The following ZBTB20 variants were observed in gnomAD, a reference collection of about 807,000 sequenced individuals.
The protein encoded by ZBTB20 is zinc finger and BTB domain containing 20.
In ZBTB20, 9 loss-of-function variants were observed where a neutral mutation model predicts 56.9. The ratio of observed to expected loss-of-function variants is 0.16; its 90% confidence interval spans 0.10 to 0.28. The LOEUF (loss-of-function observed/expected upper bound fraction) is 0.28. ZBTB20 is among the 10% of genes least tolerant of loss of function. The probability of loss-of-function intolerance (pLI) is 1.00; values close to 1 mark genes in which losing one functional copy is unlikely to be tolerated. For synonymous variants in ZBTB20, 417 were observed against 420.7 expected, an observed-to-expected ratio of 0.99 and a Z score of 0.11; for missense variants, 655 against 1,003.0, an observed-to-expected ratio of 0.65 and a Z score of 4.69.
intron 6 of ZBTB20, among the ~76,000 whole-genome samples, chr3:114,522,221 G>C (rs1012712553): frequency 3.3e-5 from 5 of 152,152 alleles, no homozygotes; most frequent in Non-Finnish European, 7.4e-5. Context: ...ATTGAGCAAA[G>C]ACCTGAAGAT....
At position 114,716,368 on chromosome 3, in the gene ZBTB20, G is replaced by A. The variant is rs554982029; in HGVS notation, c.-342-22793C>T. ...TAAGACAGGCCTCCAGAGGACCAGC[G>A]ATATTATTAATCTTTTAAGACACTA... is the stretch of plus-strand genomic sequence containing the variant. On this transcript the variant is annotated intron_variant, in intron 5 of 11. Coordinates refer to ENST00000675478, the MANE Select transcript of ZBTB20 (RefSeq NM_001348800.3). 1.3e-4 allele frequency among the ~76,000 whole-genome samples: 20 copies of A among 152,204 alleles called. No homozygotes were observed. In the South Asian group the frequency reaches 3.5e-3, roughly 27 times the overall value.
chr3:114,597,213 A>T (rs1311709647), intron 6 of ZBTB20, among the ~76,000 whole-genome samples: 1 of 151,700 alleles, frequency 6.6e-6, no homozygotes, highest in Non-Finnish European at 1.5e-5. Flanking sequence ...GAAAGTAGTG[A>T]CCCCTAGTGG....
At chr3:115,109,146 TACTAA>T (rs2083804642) in intron 1 of ZBTB20, among the ~76,000 whole-genome samples, 2 of 152,200 alleles carry the variant, frequency 1.3e-5, no homozygotes, top group Non-Finnish European at 2.9e-5. Flanking sequence ...CAATCCTCTC[TACTAA>T]ACAATCTACA....
intron 8 of ZBTB20, among the ~76,000 whole-genome samples, chr3:114,381,710 G>C (rs895475390): frequency 6.6e-6 from 1 of 152,178 alleles, no homozygotes; most frequent in Non-Finnish European, 1.5e-5. Flanking sequence ...TTGTTGTGCT[G>C]GGTAGTTAAA....
At chr3:114,807,541 T>C (rs2072207507) in intron 4 of ZBTB20, among the ~76,000 whole-genome samples, 2 of 151,908 alleles carry the variant, frequency 1.3e-5, no homozygotes, top group Admixed American at 1.3e-4. Flanking sequence ...CTGTACAATG[T>C]TGAACAGAAG....
At chr3:114,839,465 A>AAGAAAGAAAGAAAGAAAG (rs767019231) in intron 4 of ZBTB20, among the ~76,000 whole-genome samples, 104 of 148,316 alleles carry the variant, frequency 7.0e-4, no homozygotes, top group South Asian at 1.3e-3. Flanking sequence ...GAAAGAAAGA[A>AAGAAAGAAAGAAAGAAAG]AGAGAGAGAG....
intron 1 of ZBTB20, among the ~76,000 whole-genome samples, chr3:115,111,469 T>A (rs1294559892): frequency 6.6e-6 from 1 of 152,204 alleles, no homozygotes; most frequent in Non-Finnish European, 1.5e-5. Context: ...AATATCTTAA[T>A]AAAATTCATG....
At chr3:114,556,804 A>T (rs988474668) in intron 6 of ZBTB20, among the ~76,000 whole-genome samples, 1 of 152,100 alleles carries the variant, frequency 6.6e-6, no homozygotes, top group African/African-American at 2.4e-5. Flanking sequence ...ATACATCTTA[A>T]CAATTAATAA....
chr3:114,544,365 C>T (rs1002430591), intron 6 of ZBTB20, among the ~76,000 whole-genome samples: 1 of 152,120 alleles, frequency 6.6e-6, no homozygotes, highest in African/African-American at 2.4e-5. Context: ...CATAACCTAA[C>T]ACCAATAAAA....
intron 5 of ZBTB20, among the ~76,000 whole-genome samples, chr3:114,772,647 A>G (rs1381587328): frequency 2.0e-5 from 3 of 152,198 alleles, no homozygotes; most frequent in Non-Finnish European, 4.4e-5. Context: ...TTAGAAGGTG[A>G]GAATTCATAC....
intron 7 of ZBTB20, among the ~76,000 whole-genome samples, chr3:114,476,095 T>G (rs974333730): frequency 2.6e-5 from 4 of 152,200 alleles, no homozygotes; most frequent in Non-Finnish European, 5.9e-5. Flanking sequence ...ACCATATGTA[T>G]TACTATGTAT....
At chr3:114,489,467 G>T (rs1386942146) in intron 7 of ZBTB20, among the ~76,000 whole-genome samples, 1 of 152,078 alleles carries the variant, frequency 6.6e-6, no homozygotes, top group African/African-American at 2.4e-5. Flanking sequence ...ATATTATTCA[G>T]ATGTTATAGT....
chr3:114,712,654 G>GAAA (rs139980086), intron 5 of ZBTB20, among the ~76,000 whole-genome samples: 1 of 79,982 alleles, frequency 1.3e-5, no homozygotes, highest in African/African-American at 4.7e-5. Context: ...ACTCCATCTC[G>GAAA]AAAAAAAAAA....
chr3:114,813,424 CA>C (rs2072697820), intron 4 of ZBTB20, among the ~76,000 whole-genome samples: 1 of 152,146 alleles, frequency 6.6e-6, no homozygotes, highest in South Asian at 2.1e-4. Context: ...AACCCTGTCC[CA>C]ACTTCATTAC....
chr3:114,406,510 C>A (rs778145171), intron 7 of ZBTB20, among the ~76,000 whole-genome samples: 1 of 152,056 alleles, frequency 6.6e-6, no homozygotes, highest in Non-Finnish European at 1.5e-5. Flanking sequence ...TGTTTTTGGT[C>A]ACTTATAATG....
At chr3:114,636,153 A>G (rs1376550938) in intron 6 of ZBTB20, among the ~76,000 whole-genome samples, 1 of 152,170 alleles carries the variant, frequency 6.6e-6, no homozygotes, top group Non-Finnish European at 1.5e-5. Context: ...TCAAAAAACA[A>G]CAACAACCTG....
At chr3:114,462,800 T>G (rs2092389070) in intron 7 of ZBTB20, among the ~76,000 whole-genome samples, 1 of 152,180 alleles carries the variant, frequency 6.6e-6, no homozygotes, top group Admixed American at 6.5e-5. Context: ...TAATGAAAAT[T>G]TGCAGTATTT....
At chr3:114,778,012 G>C (rs1020701215) in intron 5 of ZBTB20, among the ~76,000 whole-genome samples, 21 of 145,656 alleles carry the variant, frequency 1.4e-4, no homozygotes, top group African/African-American at 5.3e-4. Flanking sequence ...ACCAAACACT[G>C]CATGTTCTCA....
chr3:114,564,212 A>G (rs2052443219), intron 6 of ZBTB20, among the ~76,000 whole-genome samples: 1 of 152,038 alleles, frequency 6.6e-6, no homozygotes, highest in Non-Finnish European at 1.5e-5. Context: ...CCTTATAATC[A>G]TATTAGGCCT....
Sources: allele counts gnomAD v4.1 joint callset (sites outside exome capture counted in the v4.1 genomes callset), GRCh38; gene constraint gnomAD v4.1.1; transcripts MANE v1.5; gene names NCBI Gene and HGNC (gene_info 2026-07-23, HGNC 2026-07-21).